The following MAP3K20 variants were observed in gnomAD, a reference collection of about 807,000 sequenced individuals.
MAP3K20 encodes mitogen-activated protein kinase kinase kinase 20.
MAP3K20 carries 40 observed loss-of-function variants against 85.7 expected under a neutral mutation model. The observed-to-expected ratio is 0.47, with a 90% CI of 0.36 to 0.61. MAP3K20 has a LOEUF of 0.61. MAP3K20 is among the 20% of genes least tolerant of loss of function. The pLI is 0.00. For synonymous variants in MAP3K20, 325 were observed against 327.7 expected, an observed-to-expected ratio of 0.99 and a Z score of 0.09; for missense variants, 817 against 961.7, an observed-to-expected ratio of 0.85 and a Z score of 1.99.
intron 9 of MAP3K20, 59 bp downstream of exon 9, chr2:173,203,929 C>T: frequency 6.6e-7 from 1 of 1,509,898 alleles, no homozygotes. Flanking sequence ...GTTTGGCTTT[C>T]AGTTTTTAAA....
At chr2:173,078,375 A>G (rs1686923979) in intron 1 of MAP3K20, among the ~76,000 whole-genome samples, 1 of 152,214 alleles carries the variant, frequency 6.6e-6, no homozygotes, top group Non-Finnish European at 1.5e-5. Context: ...TTGTCTATCT[A>G]AATGTAGTAG....
At chr2:173,207,251 G>A (rs1683719876) in intron 9 of MAP3K20, among the ~76,000 whole-genome samples, 2 of 152,158 alleles carry the variant, frequency 1.3e-5, no homozygotes, top group Non-Finnish European at 2.9e-5. Flanking sequence ...CTAGCACTTT[G>A]GGAGGCCAAG....
At chr2:173,084,657 T>C (rs2106139510) in intron 1 of MAP3K20, among the ~76,000 whole-genome samples, 1 of 152,212 alleles carries the variant, frequency 6.6e-6, no homozygotes, top group South Asian at 2.1e-4. Context: ...CTAAGAGATA[T>C]AATATAAAAC....
chr2:173,181,041 A>C (rs1262535293), intron 3 of MAP3K20, among the ~76,000 whole-genome samples: 2 of 152,244 alleles, frequency 1.3e-5, no homozygotes, highest in Non-Finnish European at 2.9e-5. Flanking sequence ...AGAACTCAAT[A>C]AAACAACCCA....
chr2:173,135,113 A>G (rs1255076704), intron 2 of MAP3K20, among the ~76,000 whole-genome samples: 1 of 152,230 alleles, frequency 6.6e-6, no homozygotes, highest in Non-Finnish European at 1.5e-5. Context: ...AGGATGTATT[A>G]CTAATTGGAT....
At chr2:173,164,679 T>G (rs1389688910) in intron 2 of MAP3K20, among the ~76,000 whole-genome samples, 3 of 152,210 alleles carry the variant, frequency 2.0e-5, no homozygotes, top group Non-Finnish European at 4.4e-5. Flanking sequence ...AAAAAAGTTT[T>G]GAATTGAAGG....
chr2:173,223,596 A>C, intron 11 of MAP3K20: 1 of 985,480 alleles, frequency 1.0e-6, no homozygotes, highest in Non-Finnish European at 1.2e-6. Context: ...ACATGCTTAG[A>C]ATGTAAGCTA....
chr2:173,235,718 T>G (rs1255953104), intron 14 of MAP3K20, among the ~76,000 whole-genome samples: 1 of 152,182 alleles, frequency 6.6e-6, no homozygotes, highest in African/African-American at 2.4e-5. Flanking sequence ...TTAAAATGGT[T>G]AATTTTGTGG....
At chr2:173,177,618 TG>T (rs144020112) in intron 3 of MAP3K20, among the ~76,000 whole-genome samples, 3,427 of 152,040 alleles carry the variant, frequency 0.023, 163 homozygotes, top group African/African-American at 0.079. Flanking sequence ...TTAGTAAAGA[TG>T]GGGTTTCACC....
intron 8 of MAP3K20, among the ~76,000 whole-genome samples, chr2:173,203,167 T>C (rs1413707006): frequency 1.3e-5 from 2 of 152,196 alleles, no homozygotes; most frequent in African/African-American, 2.4e-5. Context: ...TTCTGTGGAA[T>C]AGAGGCACCA....
chr2:173,156,725 G>T (rs1247039459), intron 2 of MAP3K20, among the ~76,000 whole-genome samples: 1 of 152,198 alleles, frequency 6.6e-6, no homozygotes, highest in Non-Finnish European at 1.5e-5. Context: ...CCTGCTGTGC[G>T]ACCTGGTTCC....
intron 11 of MAP3K20, chr2:173,226,929 T>C (rs2106327149): frequency 1.0e-6 from 1 of 985,162 alleles, no homozygotes; most frequent in East Asian, 1.1e-4. Flanking sequence ...CTATGCCAAA[T>C]ATCTTGTATA....
intron 16 of MAP3K20, among the ~76,000 whole-genome samples, chr2:173,242,724 T>TTA (rs1207593304): frequency 8.5e-5 from 10 of 117,690 alleles, no homozygotes; most frequent in African/African-American, 2.4e-4. Flanking sequence ...TTTTTTTTTT[T>TTA]AAGACAGAGT....
intron 2 of MAP3K20, among the ~76,000 whole-genome samples, chr2:173,094,557 G>C (rs947970780): frequency 6.6e-6 from 1 of 152,138 alleles, no homozygotes; most frequent in African/African-American, 2.4e-5. Flanking sequence ...GTTTAGCCCG[G>C]CTTAATCTGG....
At chr2:173,083,979 G>A (rs1169670705) in intron 1 of MAP3K20, among the ~76,000 whole-genome samples, 1 of 152,186 alleles carries the variant, frequency 6.6e-6, no homozygotes, top group African/African-American at 2.4e-5. Context: ...AGGAAAAGAG[G>A]AAGGCTCTAA....
chr2:173,200,719 C>T (rs1345167172), intron 8 of MAP3K20, among the ~76,000 whole-genome samples: 1 of 152,038 alleles, frequency 6.6e-6, no homozygotes, highest in Non-Finnish European at 1.5e-5. Flanking sequence ...TCCCTTGAGT[C>T]CGGGAGGTCA....
At chr2:173,172,083 T>A (rs1467588829) in intron 3 of MAP3K20, among the ~76,000 whole-genome samples, 1 of 152,174 alleles carries the variant, frequency 6.6e-6, no homozygotes, top group African/African-American at 2.4e-5. Context: ...ATATGACAAC[T>A]GAGTCCAGTT....
At chr2:173,141,628 A>G (rs1688974580) in intron 2 of MAP3K20, among the ~76,000 whole-genome samples, 2 of 152,150 alleles carry the variant, frequency 1.3e-5, no homozygotes, top group African/African-American at 2.4e-5. Flanking sequence ...AGAGAGAGAG[A>G]GGGGATGGAT....
At chr2:173,205,814 A>G (rs1285929665) in intron 9 of MAP3K20, among the ~76,000 whole-genome samples, 2 of 152,024 alleles carry the variant, frequency 1.3e-5, no homozygotes, top group African/African-American at 4.8e-5. Flanking sequence ...TTAGTATTTG[A>G]TGACACAGTT....
Sources: allele counts gnomAD v4.1 joint callset (sites outside exome capture counted in the v4.1 genomes callset), GRCh38; gene constraint gnomAD v4.1.1; transcripts MANE v1.5; gene names NCBI Gene and HGNC (gene_info 2026-07-23, HGNC 2026-07-21).